The following PNPLA6 variants were observed in gnomAD, a reference collection of about 807,000 sequenced individuals.
The protein encoded by PNPLA6 is patatin like domain 6, lysophospholipase, also known as patatin-like phospholipase domain-containing protein 6.
PNPLA6 carries 105 observed loss-of-function variants against 153.7 expected under a neutral mutation model. The ratio of observed to expected loss-of-function variants is 0.68; its 90% CI spans 0.58 to 0.80. PNPLA6 has a LOEUF of 0.80. Among genes scored for constraint, PNPLA6 ranks in the 30% least tolerant of loss-of-function variants. The pLI, the probability that PNPLA6 is intolerant of heterozygous loss-of-function variation, is 0.00. For missense variants in PNPLA6, 1,423 were observed against 1,919.3 expected (o/e 0.74, Z 4.83); for synonymous variants, 825 against 822.2 (o/e 1.00, Z -0.06).
Position 7,536,463 on chromosome 19 carries a change from C to T in PNPLA6, c.330C>T (p.Thr110=). ...RKIMRKVSQS[T]SSLVDTSVSA... ...CATTCTCCCAGGTGTCACAATCCAC[C>T]TCCTCCCTCGTGGATACCTCTGTCT... The change falls in exon 3 of 32, where the codon ACC becomes ACT. Residue 110 remains threonine (T), a synonymous_variant. Coordinates refer to ENST00000600737, the MANE Select transcript of PNPLA6 (RefSeq NM_001166114.2). The T allele has an allele frequency of 6.2e-7, 1 of 1,612,338 alleles. No individual in the cohort carries two copies. The highest frequency in any genetic ancestry group is 1.1e-5 in the South Asian group (1 of 91,058).
chr19:7,548,558 A>G (rs112347090), intron 13 of PNPLA6, among the ~76,000 whole-genome samples: 4,656 of 152,148 alleles, frequency 0.031, 254 homozygotes, highest in African/African-American at 0.11. Context: ...AATACCTAAT[A>G]CAATGTAAAT....
chr19:7,557,597 A>C (rs2023938641), intron 27 of PNPLA6: 3 of 391,944 alleles, frequency 7.7e-6, no homozygotes, highest in South Asian at 4.1e-5. Flanking sequence ...CCGCCTGGCC[A>C]ACATGGTGAA....
In PNPLA6 at chr19:7,541,392, A is replaced by G. The variant is rs780608324; in HGVS notation, c.963A>G (p.Ala321=). The part of the protein sequence containing the change: ...MVRLQRVTFL[A]LHNYLGLTNE... Reference sequence around the variant, plus strand: ...GGCTGCAGCGAGTCACCTTCCTGGCACTGCACAACTACCTGGGTCTGACCA... The same window carrying G: ...GGCTGCAGCGAGTCACCTTCCTGGCGCTGCACAACTACCTGGGTCTGACCA... Residue 321 remains alanine (A), a synonymous_variant, in exon 8 of 32, where the codon GCA becomes GCG. Transcript: ENST00000600737. This position sits in a 1 kb window ranked among gnomAD's most constrained non-coding sequence, Gnocchi z 5.2. 6.2e-7 allele frequency: 1 copy of G among 1,613,942 alleles called. No homozygotes were observed. The highest frequency in any genetic ancestry group is 1.7e-5 in the Admixed American group (1 of 60,012).
intron 26 of PNPLA6, chr19:7,556,936 C>G (rs931150392): frequency 4.4e-6 from 3 of 685,014 alleles, no homozygotes; most frequent in Non-Finnish European, 5.3e-6. Context: ...ACTCGTCGGA[C>G]GCCTTACCCC....
At chr19:7,548,202 A>G (rs2432098) in intron 13 of PNPLA6, among the ~76,000 whole-genome samples, 106,480 of 151,638 alleles carry the variant, frequency 0.7, 37,627 homozygotes, top group Admixed American at 0.78. Context: ...AAAATTAGCC[A>G]GGCGTGTGGC....
chr19:7,559,529 A>G (rs2024018414), intron 28 of PNPLA6, among the ~76,000 whole-genome samples: 1 of 152,172 alleles, frequency 6.6e-6, no homozygotes, highest in African/African-American at 2.4e-5. Flanking sequence ...AATGTGCCAT[A>G]GCCCAAGCCA....
chr19:7,539,880 T>TG, intron 3 of PNPLA6, 38 bp from the exon 4 acceptor site: 1 of 1,403,564 alleles, frequency 7.1e-7, no homozygotes, highest in Non-Finnish European at 9.7e-7. Flanking sequence ...GCCTTCTCCG[T>TG]GCCCCCCTCA....
rs1465568566 is a variant in PNPLA6, at chr19:7,555,555, G to C, written c.2937-52G>C. ...GAGGTGGGAGGAGGTAGGGGCAGGG[G>C]AGTTCCTGCAGGTGGGGCCTAGCGG... is the stretch of plus-strand genomic sequence containing the variant. On this transcript the variant is annotated intron_variant, in intron 23 of 31. Transcript: ENST00000600737. This position sits in a 1 kb window ranked among gnomAD's most constrained non-coding sequence, Gnocchi z 6.3. 1 of 1,589,116 alleles carries C rather than the reference G, an allele frequency of 6.3e-7. No individual in the cohort carries two copies. Among genetic ancestry groups the C allele is most frequent in the Non-Finnish European group, 8.6e-7 (1 of 1,163,022 alleles).
rs2022869574 is a variant in PNPLA6 at position 7,536,343 on chromosome 19, T to C, written c.315+70T>C. On this transcript the variant is annotated intron_variant, in intron 2 of 31. Coordinates refer to ENST00000600737, the MANE Select transcript of PNPLA6 (RefSeq NM_001166114.2). ...GCGCCCCTTCCCTATTTACACTTCT[T>C]AGTGTCCGCCACCGCTCCTTCCTTG... The C allele has an allele frequency of 2.1e-6, 3 of 1,422,652 alleles. No homozygotes were observed. The Admixed American group carries it at 5.0e-5, about 24-fold the overall frequency. 88.1% of individuals were successfully genotyped at this position (1,422,652 alleles called of 1,614,324 possible).
Position 7,553,885 on chromosome 19 carries a change from G to A in PNPLA6, c.2271G>A (p.Leu757=). The A allele has an allele frequency of 6.2e-7, 1 of 1,614,238 alleles. No homozygotes were observed. Among genetic ancestry groups the A allele is most frequent in the Non-Finnish European group, 8.5e-7 (1 of 1,180,052 alleles). Reference sequence around the variant, plus strand: ...TTGGGTTCTTAGCAGGCTCTGGGTTGGGTGTGCCCCCACACTCGGAACTCA... The same window carrying A: ...TTGGGTTCTTAGCAGGCTCTGGGTTAGGTGTGCCCCCACACTCGGAACTCA... ...QLQGPFPGSG[L]GVPPHSELTN... The change falls in exon 19 of 32, where the codon TTG becomes TTA. Residue 757 remains leucine, a synonymous_variant. Transcript: ENST00000600737.
intron 13 of PNPLA6, among the ~76,000 whole-genome samples, chr19:7,549,232 G>C (rs1454632052): frequency 2.1e-5 from 3 of 143,408 alleles, no homozygotes; most frequent in Non-Finnish European, 3.0e-5. Flanking sequence ...TGTCGCCCAC[G>C]CTGGAGTGCA....
chr19:7,558,947 C>A lies in PNPLA6; in HGVS notation c.3495C>A (p.Ser1165=), dbSNP rs138837774. ...TCAGCACCTACGGGGACAGCCTGTC[C>A]GGCTGGTGGCTGCTGTGGAAGCGGC... ...TDLSTYGDSL[S]GWWLLWKRLN... The change falls in exon 28 of 32, where the codon TCC becomes TCA. Residue 1165 remains serine (S), a synonymous_variant. Coordinates refer to ENST00000600737, the MANE Select transcript of PNPLA6 (RefSeq NM_001166114.2). The A allele has an allele frequency of 6.2e-7, 1 of 1,614,126 alleles. No individual in the cohort carries two copies. The highest frequency in any genetic ancestry group is 2.2e-5 in the East Asian group (1 of 44,890).
chr19:7,540,889 C>A lies in PNPLA6; in HGVS notation c.796-34C>A. ...TAGCGAGGGGGACTCGCAGCCTCTG[C>A]CCTTGTCTCTCTTCACGCCCTCCCC... is the stretch of plus-strand genomic sequence containing the variant. On this transcript the variant is annotated intron_variant, in intron 6 of 31. Coordinates refer to ENST00000600737, the MANE Select transcript of PNPLA6 (RefSeq NM_001166114.2). The surrounding 1 kb of genome is among the most constrained non-coding windows in gnomAD (Gnocchi z 6.8). 1 of 1,612,792 alleles carries A rather than the reference C, an allele frequency of 6.2e-7. No homozygotes were observed.
chr19:7,536,207 T>A lies in PNPLA6; in HGVS notation c.249T>A (p.Asp83Glu). ...TATCCCCAGAAACCCCAGCCCCGGA[T>A]GGCCCCCGGTATCGGTTCCGGAAGA... ...RLRVPKTPAP[D>E]GPRYRFRKRD... The change falls in exon 2 of 32, where the codon GAT (aspartate) becomes GAA (glutamate). Residue 83 changes from aspartate to glutamate, a missense_variant. Coordinates refer to ENST00000600737, the MANE Select transcript of PNPLA6 (RefSeq NM_001166114.2). The A allele has an allele frequency of 6.2e-7, 1 of 1,613,278 alleles. No individual in the cohort carries two copies. The highest frequency in any genetic ancestry group is 8.5e-7 in the Non-Finnish European group (1 of 1,179,378).
At chr19:7,556,974 T>C in intron 26 of PNPLA6, 194 bp from the exon 27 acceptor site, 1 of 710,122 alleles carries the variant, frequency 1.4e-6, no homozygotes, top group African/African-American at 1.7e-5. Context: ...AGGCTGTGTG[T>C]GGCGTTACGT....
chr19:7,544,978 T>C (rs890799213), intron 13 of PNPLA6, among the ~76,000 whole-genome samples: 1 of 151,988 alleles, frequency 6.6e-6, no homozygotes, highest in Admixed American at 6.6e-5. Flanking sequence ...TTCTCTGCGT[T>C]GGCAGGACTT....
chr19:7,557,120 G>A, intron 26 of PNPLA6, 48 bp from the exon 27 acceptor site: 1 of 1,405,852 alleles, frequency 7.1e-7, no homozygotes, highest in Non-Finnish European at 1.0e-6. Context: ...CCTCCGGCGT[G>A]TCTGAGCGTG....
At chr19:7,561,423 G>A in intron 31 of PNPLA6, 65 bp from the exon 32 acceptor site, 5 of 1,453,196 alleles carry the variant, frequency 3.4e-6, no homozygotes, top group Non-Finnish European at 1.9e-6. Context: ...TGTGCTGGGT[G>A]CTGGCTGACA....
intron 17 of PNPLA6, 39 bp from the exon 18 acceptor site, chr19:7,551,323 C>T (rs1233403527): frequency 6.3e-7 from 1 of 1,592,842 alleles, no homozygotes; most frequent in Non-Finnish European, 8.6e-7. Context: ...ACAGCCGCTT[C>T]CCAGGTCTCA....
Sources: allele counts gnomAD v4.1 joint callset (sites outside exome capture counted in the v4.1 genomes callset), GRCh38; gene constraint gnomAD v4.1.1; non-coding constraint Gnocchi (gnomAD v3.1); transcripts MANE v1.5; gene names NCBI Gene and HGNC (gene_info 2026-07-23, HGNC 2026-07-21).